Variants in KCNN3 observed in about 807,000 individuals in gnomAD.
KCNN3 encodes small conductance calcium-activated potassium channel protein 3.
Under a neutral mutation model 62.9 loss-of-function variants are expected in KCNN3, and 16 were observed. The ratio of observed to expected loss-of-function variants is 0.25; its 90% confidence interval spans 0.17 to 0.39. The LOEUF is 0.39. Among genes scored for constraint, KCNN3 ranks in the 10% least tolerant of loss-of-function variants. KCNN3 has a pLI of 1.00. For missense variants in KCNN3, 599 were observed against 949.4 expected (o/e 0.63, Z 4.85); for synonymous variants, 370 against 389.2 (o/e 0.95, Z 0.58).
Position 154,758,998 on chromosome 1 carries a change from G to A in KCNN3, c.1448+12977C>T, listed in dbSNP as rs376474365. On this transcript the variant is annotated intron_variant, in intron 3 of 7. Coordinates refer to ENST00000271915, the MANE Select transcript of KCNN3 (RefSeq NM_002249.6). ...AATTTTTGTATTTTTAATAGAGACA[G>A]CGTTTCGCCATGTTGGCCAGGGTGG... 2.6e-5 allele frequency among the ~76,000 whole-genome samples: 4 copies of A among 152,274 alleles called. No individual in the cohort carries two copies. The East Asian group carries it at 7.7e-4, about 29-fold the overall frequency.
intron 3 of KCNN3, 62 bp downstream of exon 3, chr1:154,771,913 A>G (rs1648576596): frequency 1.3e-6 from 2 of 1,542,668 alleles, no homozygotes; most frequent in Non-Finnish European, 1.8e-6. Flanking sequence ...TGGCACCCCT[A>G]CTCCTCCTCC....
intron 5 of KCNN3, among the ~76,000 whole-genome samples, chr1:154,722,871 A>G (rs1700386108): frequency 6.6e-6 from 1 of 151,856 alleles, no homozygotes; most frequent in Non-Finnish European, 1.5e-5. Context: ...AGCTGGGATT[A>G]CAGGTGTGTG....
rs1699977960 is a variant in KCNN3 at position 154,707,088 on chromosome 1, A to G, written c.*888T>C. 6.6e-6 allele frequency: 1 copy of G among 152,182 alleles called. No individual in the cohort carries two copies. 9.4% of individuals were successfully genotyped at this position (152,182 alleles called of 1,614,324 possible). A position where few individuals can be genotyped will look rare whatever the true frequency, so the allele number is the denominator to read the frequency against. ...CAATTTTGGCTTGGCATCCATTTCAAATCAAGCAAGGTGCATATCCAGGAC... is the reference window on the plus strand; with the variant it reads ...CAATTTTGGCTTGGCATCCATTTCAGATCAAGCAAGGTGCATATCCAGGAC... On this transcript the variant is annotated 3_prime_UTR_variant, in exon 8 of 8. Transcript: ENST00000271915.
intron 1 of KCNN3, among the ~76,000 whole-genome samples, chr1:154,866,265 T>C (rs1652953934): frequency 6.6e-6 from 1 of 152,242 alleles, no homozygotes; most frequent in Non-Finnish European, 1.5e-5. Flanking sequence ...CAACTAATTT[T>C]ACAGCCAGAG....
intron 1 of KCNN3, among the ~76,000 whole-genome samples, chr1:154,865,243 T>C (rs1425960220): frequency 6.6e-6 from 1 of 152,124 alleles, no homozygotes; most frequent in African/African-American, 2.4e-5. Context: ...CTTGCTGGTC[T>C]ACCCAGGTGG....
intron 3 of KCNN3, among the ~76,000 whole-genome samples, chr1:154,760,786 G>GC (rs1647968662): frequency 1.3e-5 from 2 of 152,184 alleles, no homozygotes; most frequent in South Asian, 4.1e-4. Context: ...AGCTCCACCT[G>GC]CCCGCACGCC....
In KCNN3 at chr1:154,726,035, G is replaced by T. The variant is rs1250324239; in HGVS notation, c.1591-9C>A. The T allele has an allele frequency of 1.2e-6, 2 of 1,606,572 alleles. No individual in the cohort carries two copies. The highest frequency in any genetic ancestry group is 8.5e-7 in the Non-Finnish European group (1 of 1,173,642). Reference sequence around the variant, plus strand: ...GCAGTGCAGCCTGCACCCTGCGGGGGGACATCAAGAGGACCAGAGGGGAAA... The same window carrying T: ...GCAGTGCAGCCTGCACCCTGCGGGGTGACATCAAGAGGACCAGAGGGGAAA... On this transcript the variant is annotated splice_polypyrimidine_tract_variant and intron_variant, in intron 4 of 7. Coordinates refer to ENST00000271915, the MANE Select transcript of KCNN3 (RefSeq NM_002249.6).
chr1:154,798,681 T>C (rs143768683), intron 2 of KCNN3, among the ~76,000 whole-genome samples: 1 of 152,316 alleles, frequency 6.6e-6, no homozygotes, highest in African/African-American at 2.4e-5. Flanking sequence ...TTCTCTGGTT[T>C]TGTCCCCACA....
chr1:154,868,674 G>A (rs1256165319), intron 1 of KCNN3, among the ~76,000 whole-genome samples: 4 of 152,074 alleles, frequency 2.6e-5, no homozygotes, highest in Non-Finnish European at 4.4e-5. Flanking sequence ...TGAGCCAGGA[G>A]GAAAAGCGAT....
rs1002850937 is a variant in KCNN3, at chr1:154,698,756, C to T, written c.*9220G>A. On this transcript the variant is annotated 3_prime_UTR_variant, in exon 8 of 8. Transcript: ENST00000271915. ...CTCTGCCTTCTAAGACACAGGTTCC[C>T]ACCTGCTTCAGGGAGAGAGACTTCC... The T allele has an allele frequency of 6.6e-6, 1 of 152,230 alleles. No homozygotes were observed. Among genetic ancestry groups the T allele is most frequent in the Non-Finnish European group, 1.5e-5 (1 of 68,064 alleles). 9.4% of individuals were successfully genotyped at this position (152,230 alleles called of 1,614,324 possible).
At chr1:154,853,994 G>A (rs1050285883) in intron 1 of KCNN3, among the ~76,000 whole-genome samples, 2 of 151,966 alleles carry the variant, frequency 1.3e-5, no homozygotes, top group African/African-American at 2.4e-5. Flanking sequence ...CCAGCATCTC[G>A]GGAGGCCAAG....
rs115246322 is a variant in KCNN3, at chr1:154,810,853, G to A, written c.1029+11236C>T. Among the ~76,000 whole-genome samples the A allele has an allele frequency of 3.2e-3, 480 of 152,314 alleles. 1 individual carries two copies. The highest frequency in any genetic ancestry group is 0.011 in the African/African-American group (451 of 41,552). On this transcript the variant is annotated intron_variant, in intron 2 of 7. Transcript: ENST00000271915. ...GGGGTAGAAGAGTTAATTTGAGGAC[G>A]GGCCTCTCTCCCCCAGGCAGGGCAA...
chr1:154,830,041 C>T (rs1443558677), intron 1 of KCNN3, among the ~76,000 whole-genome samples: 1 of 152,138 alleles, frequency 6.6e-6, no homozygotes, highest in Non-Finnish European at 1.5e-5. Flanking sequence ...TGGTCTGGCA[C>T]ATAGTAAGTC....
At chr1:154,757,236 T>A (rs1647766921) in intron 3 of KCNN3, among the ~76,000 whole-genome samples, 2 of 152,234 alleles carry the variant, frequency 1.3e-5, no homozygotes, top group African/African-American at 4.8e-5. Flanking sequence ...CTATTGCTTT[T>A]ATCAGCAGGA....
At chr1:154,829,947 C>T (rs571975460) in intron 1 of KCNN3, among the ~76,000 whole-genome samples, 1 of 152,136 alleles carries the variant, frequency 6.6e-6, no homozygotes, top group Admixed American at 6.5e-5. Context: ...GTTGTTCTCA[C>T]ACCCCCACCA....
chr1:154,775,056 C>T (rs1056823863), intron 2 of KCNN3, among the ~76,000 whole-genome samples: 8 of 152,238 alleles, frequency 5.3e-5, no homozygotes, highest in African/African-American at 1.9e-4. Context: ...GCCTTCCTTT[C>T]CTCCCTTGCA....
chr1:154,747,124 C>A (rs1299658709), intron 3 of KCNN3, among the ~76,000 whole-genome samples: 1 of 152,222 alleles, frequency 6.6e-6, no homozygotes, highest in Non-Finnish European at 1.5e-5. Flanking sequence ...TGTTCCTGAG[C>A]TTCCTCCCCA....
intron 2 of KCNN3, among the ~76,000 whole-genome samples, chr1:154,786,595 CACATAAAAACAA>C (rs1450350889): frequency 1.3e-5 from 2 of 152,142 alleles, no homozygotes; most frequent in Non-Finnish European, 2.9e-5. Flanking sequence ...CAAACACCAA[CACATAAAAACAA>C]AAATGCCCAT....
At chr1:154,852,696 T>TA (rs1187214270) in intron 1 of KCNN3, among the ~76,000 whole-genome samples, 3 of 152,216 alleles carry the variant, frequency 2.0e-5, no homozygotes, top group Admixed American at 2.0e-4. Context: ...ATTCAAATAA[T>TA]AATATTCTGG....
Sources: gnomAD v4.1 joint callset for allele counts (sites outside exome capture counted in the v4.1 genomes callset) on GRCh38, gnomAD v4.1.1 for gene constraint, MANE v1.5 for transcripts, NCBI Gene and HGNC (gene_info 2026-07-23, HGNC 2026-07-21) for gene names.